Variants in PRR5 observed in about 807,000 individuals in gnomAD.
The protein encoded by PRR5 is proline-rich protein 5.
A neutral mutation model predicts 30.6 loss-of-function variants in PRR5; 25 were observed. That is an observed-to-expected ratio of 0.82 (90% CI 0.60 to 1.14). The LOEUF is 1.14. Ranked by LOEUF, PRR5 falls within the 50% of genes most tolerant of loss-of-function variation. The pLI is 0.00. For missense variants in PRR5, 600 were observed against 547.1 expected, an observed-to-expected ratio of 1.10 and a Z score of -0.96; for synonymous variants, 286 against 247.1, an observed-to-expected ratio of 1.16 and a Z score of -1.48.
chr22:44,691,602 C>T lies in PRR5; in HGVS notation c.-10-10890C>T, dbSNP rs556395933. On this transcript the variant is annotated intron_variant, in intron 1 of 8. Transcript: ENST00000006251. The surrounding 1 kb of genome is among the most constrained non-coding windows in gnomAD (Gnocchi z 4.4). The stretch of plus-strand genomic sequence containing the variant: ...CAGCCTGGCCAACATGGCAAAACCC[C>T]GTCTCTACTAAAAACACAAAAACTA... Among the ~76,000 whole-genome samples, 15 of 152,218 alleles carry T rather than the reference C, an allele frequency of 9.9e-5. No individual in the cohort carries two copies. The highest frequency in any genetic ancestry group is 1.9e-4 in the East Asian group (1 of 5,156).
chr22:44,695,995 G>A (rs961129879), intron 1 of PRR5, among the ~76,000 whole-genome samples: 1 of 136,812 alleles, frequency 7.3e-6, no homozygotes, highest in Non-Finnish European at 1.5e-5. Context: ...CAATGGCACA[G>A]TCACTGAAAC....
chr22:44,714,545 G>C (rs1307447583), intron 1 of PRR5, 46 bp from the exon 2 acceptor site: 1 of 1,606,016 alleles, frequency 6.2e-7, no homozygotes, highest in Admixed American at 1.7e-5. Context: ...CAACCAGGGG[G>C]CTCTCAGACC....
chr22:44,674,708 G>A (rs1256200086), upstream of PRR5, among the ~76,000 whole-genome samples: 1 of 151,188 alleles, frequency 6.6e-6, no homozygotes, highest in Non-Finnish European at 1.5e-5. Context: ...GACAGAGAGA[G>A]ACTCCGTCTA....
chr22:44,726,717 C>A, intron 4 of PRR5, 83 bp downstream of exon 4: 1 of 1,598,320 alleles, frequency 6.3e-7, no homozygotes. Flanking sequence ...GTGCTGGGGG[C>A]CTCTGGGTGC....
chr22:44,729,481 C>T (rs923225790), intron 4 of PRR5: 10 of 985,628 alleles, frequency 1.0e-5, no homozygotes, highest in South Asian at 9.4e-5. Flanking sequence ...AGGTACGGCG[C>T]GCACACACCC....
At chr22:44,727,556 G>A (rs532916569) in intron 4 of PRR5, among the ~76,000 whole-genome samples, 1 of 152,298 alleles carries the variant, frequency 6.6e-6, no homozygotes, top group African/African-American at 2.4e-5. Flanking sequence ...CTGAATGAAT[G>A]GGGAAAGTGA....
intron 2 of PRR5, among the ~76,000 whole-genome samples, chr22:44,718,839 G>C (rs1273261885): frequency 6.6e-6 from 1 of 152,060 alleles, no homozygotes; most frequent in Non-Finnish European, 1.5e-5. Flanking sequence ...TTTTTCAGTT[G>C]GGTTATTTGT....
At chr22:44,680,727 C>T (rs533009461) in intron 1 of PRR5, among the ~76,000 whole-genome samples, 1 of 150,026 alleles carries the variant, frequency 6.7e-6, no homozygotes, top group Non-Finnish European at 1.5e-5. Context: ...TGGCCTGAGA[C>T]CCCCCCACAC....
intron 2 of PRR5, among the ~76,000 whole-genome samples, chr22:44,719,003 T>C (rs906360931): frequency 7.9e-5 from 12 of 152,212 alleles, no homozygotes; most frequent in African/African-American, 2.9e-4. Context: ...TTGTATAATG[T>C]CCAGTTGTCT....
Position 44,681,340 on chromosome 22 carries a change from A to G in PRR5, c.-11+4100A>G, listed in dbSNP as rs1386481290. On this transcript the variant is annotated intron_variant, in intron 1 of 8. Transcript: ENST00000006251. ...CGCAGTGGCTTATGCCTCTAATCCC[A>G]GAACTTTGGGAGGCCGAGGCGGGCA... 2.0e-5 allele frequency among the ~76,000 whole-genome samples: 3 copies of G among 152,322 alleles called. No individual in the cohort carries two copies. In the East Asian group the frequency reaches 5.8e-4, roughly 29 times the overall value.
rs759603694 is a variant in PRR5 at position 44,714,691 on chromosome 22, T to G, written c.215+20T>G. 2 of 1,613,294 alleles carry G rather than the reference T, an allele frequency of 1.2e-6. No individual in the cohort carries two copies. Among genetic ancestry groups the G allele is most frequent in the Non-Finnish European group, 1.7e-6 (2 of 1,179,792 alleles). ...CGTCCGGTGAGTGCCTGTCCCACCT[T>G]GGTCCAGGGTCCTTGAGTGGCAGGG... On this transcript the variant is annotated intron_variant, in intron 2 of 7. Coordinates refer to ENST00000336985, the MANE Select transcript of PRR5 (RefSeq NM_181333.4).
intron 6 of PRR5, 74 bp from the exon 7 acceptor site, chr22:44,734,953 G>A (rs1922921619): frequency 2.0e-6 from 3 of 1,493,280 alleles, no homozygotes; most frequent in South Asian, 1.2e-5. Context: ...TGGTGGGTGG[G>A]ACATATGGTT....
exon 1 of PRR5, chr22:44,668,794 G>C (rs1473879684): frequency 6.7e-6 from 1 of 149,434 alleles, no homozygotes; most frequent in Non-Finnish European, 1.5e-5. Flanking sequence ...CGGCGGCGGC[G>C]CGGGGACCGA....
At chr22:44,685,070 C>T (rs1924625941) in intron 1 of PRR5, among the ~76,000 whole-genome samples, 1 of 152,210 alleles carries the variant, frequency 6.6e-6, no homozygotes, top group East Asian at 1.9e-4. Context: ...CACTCACTCA[C>T]CCTACAACCC....
At chr22:44,690,099 G>A (rs1182834364) in intron 1 of PRR5, among the ~76,000 whole-genome samples, 3 of 152,136 alleles carry the variant, frequency 2.0e-5, no homozygotes, top group African/African-American at 7.2e-5. Flanking sequence ...GAGCACTGGG[G>A]CCCAAGGAGG....
At chr22:44,679,847 C>A (rs758602700) in intron 1 of PRR5, 2 of 1,598,510 alleles carry the variant, frequency 1.3e-6, no homozygotes, top group East Asian at 2.3e-5. Context: ...GCTCGGGAAG[C>A]CCGGAAAAGA....
intron 1 of PRR5, among the ~76,000 whole-genome samples, chr22:44,694,223 C>G (rs781110259): frequency 1.1e-4 from 17 of 152,058 alleles, no homozygotes; most frequent in Non-Finnish European, 1.8e-4. Context: ...CCACACTCTA[C>G]TCATAATGTT....
intron 2 of PRR5, among the ~76,000 whole-genome samples, chr22:44,720,203 C>T (rs1445326610): frequency 2.6e-5 from 4 of 152,368 alleles, no homozygotes; most frequent in Non-Finnish European, 5.9e-5. Flanking sequence ...TGGCCGTGCC[C>T]GCAGCCTGTC....
At chr22:44,684,270 C>T (rs982575598) in intron 1 of PRR5, among the ~76,000 whole-genome samples, 4 of 152,156 alleles carry the variant, frequency 2.6e-5, no homozygotes, top group East Asian at 1.9e-4. Context: ...TGGCCAGGCG[C>T]GGTGGCTTAT....
Sources: allele counts gnomAD v4.1 joint callset (sites outside exome capture counted in the v4.1 genomes callset), GRCh38; gene constraint gnomAD v4.1.1; non-coding constraint Gnocchi (gnomAD v3.1); transcripts MANE v1.5; gene names NCBI Gene and HGNC (gene_info 2026-07-23, HGNC 2026-07-21).